The following CD53 variants were observed in gnomAD, a reference collection of about 807,000 sequenced individuals.
CD53 encodes leukocyte surface antigen CD53.
A neutral mutation model predicts 27.3 loss-of-function variants in CD53; 20 were observed. That is an observed-to-expected ratio of 0.73 (90% CI 0.52 to 1.07). The LOEUF (loss-of-function observed/expected upper bound fraction) is 1.07. Among genes scored for constraint, CD53 ranks in the 50% least tolerant of loss-of-function variants. CD53 has a pLI of 0.00. For synonymous variants in CD53, 106 were observed against 105.3 expected (o/e 1.01, Z -0.04); for missense variants, 216 against 264.0 (o/e 0.82, Z 1.26).
Position 110,882,047 on chromosome 1 carries a change from T to G in CD53, c.-18+8799T>G, listed in dbSNP as rs533558034. On this transcript the variant is annotated intron_variant, in intron 1 of 7. Transcript: ENST00000271324. ...TTATCTCCTGTGTGATTTGGAAATA[T>G]TTTGTCCCTTCTGTGCCTTGTCTTT... 8.5e-5 allele frequency among the ~76,000 whole-genome samples: 13 copies of G among 152,348 alleles called. No homozygotes were observed. In the South Asian group the frequency reaches 2.7e-3, roughly 32 times the overall value.
intron 1 of CD53, among the ~76,000 whole-genome samples, chr1:110,889,114 T>C (rs201091660): frequency 4.3e-5 from 1 of 23,450 alleles, no homozygotes; most frequent in Non-Finnish European, 2.7e-4. Context: ...GTTAATTTAA[T>C]TTTTTTAAAA....
chr1:110,876,028 A>G (rs1302509843), intron 1 of CD53, among the ~76,000 whole-genome samples: 4 of 152,210 alleles, frequency 2.6e-5, no homozygotes, highest in African/African-American at 9.7e-5. Context: ...AGAAAATATG[A>G]CACAAGCATA....
chr1:110,890,358 G>A (rs1216238837), intron 1 of CD53, among the ~76,000 whole-genome samples: 3 of 152,200 alleles, frequency 2.0e-5, no homozygotes, highest in Non-Finnish European at 4.4e-5. Context: ...CCTGAGGTCA[G>A]AAGTTTGAGG....
At chr1:110,881,432 A>T (rs1449577645) in intron 1 of CD53, among the ~76,000 whole-genome samples, 2 of 152,200 alleles carry the variant, frequency 1.3e-5, no homozygotes, top group Non-Finnish European at 2.9e-5. Context: ...GGGTAACAAC[A>T]GTTCATTCTT....
chr1:110,894,501 G>T, intron 4 of CD53, 100 bp downstream of exon 4: 1 of 931,672 alleles, frequency 1.1e-6, no homozygotes, highest in Non-Finnish European at 1.7e-6. Flanking sequence ...CTATAATAGA[G>T]ATAGAAATGA....
chr1:110,880,430 A>G (rs1414993074), intron 1 of CD53: 2 of 152,150 alleles, frequency 1.3e-5, no homozygotes, highest in Non-Finnish European at 2.9e-5. Context: ...TGTGAAGGAA[A>G]GAATCAGTAG....
chr1:110,874,148 A>T (rs1252195184), intron 1 of CD53, among the ~76,000 whole-genome samples: 1 of 152,210 alleles, frequency 6.6e-6, no homozygotes, highest in African/African-American at 2.4e-5. Context: ...GCCCTGGAGC[A>T]GAAAGGAGAA....
intron 1 of CD53, among the ~76,000 whole-genome samples, chr1:110,876,623 A>G (rs1378124013): frequency 1.3e-5 from 2 of 152,076 alleles, no homozygotes; most frequent in African/African-American, 4.8e-5. Context: ...ACCTTATATC[A>G]GGAGCAAATA....
At chr1:110,894,548 T>TG (rs1557820652) in intron 4 of CD53, 147 bp downstream of exon 4, 12 of 611,654 alleles carry the variant, frequency 2.0e-5, no homozygotes, top group Middle Eastern at 4.3e-4. Context: ...TAATTGTAAT[T>TG]GGGGGGAAAA....
chr1:110,885,635 G>A (rs1302211600), intron 1 of CD53, among the ~76,000 whole-genome samples: 1 of 152,102 alleles, frequency 6.6e-6, no homozygotes, highest in Admixed American at 6.6e-5. Context: ...GGCTGAGACA[G>A]GCAGATCACC....
intron 1 of CD53, among the ~76,000 whole-genome samples, chr1:110,877,217 T>C (rs1172435723): frequency 6.6e-6 from 1 of 152,230 alleles, no homozygotes; most frequent in African/African-American, 2.4e-5. Context: ...AGTTCTTTTT[T>C]AGAATGTTTC....
At chr1:110,887,124 C>T (rs951814251) in intron 1 of CD53, among the ~76,000 whole-genome samples, 42 of 151,660 alleles carry the variant, frequency 2.8e-4, no homozygotes, top group African/African-American at 9.4e-4. Flanking sequence ...AGTGCAGTGG[C>T]GCGATCTCGG....
chr1:110,882,262 T>G (rs960037582), intron 1 of CD53, among the ~76,000 whole-genome samples: 2 of 152,184 alleles, frequency 1.3e-5, no homozygotes, highest in South Asian at 4.1e-4. Context: ...CTAGTTACGA[T>G]TTCGTATGGA....
chr1:110,882,581 A>G (rs1037183933), intron 1 of CD53, among the ~76,000 whole-genome samples: 5 of 152,036 alleles, frequency 3.3e-5, no homozygotes, highest in African/African-American at 1.2e-4. Context: ...TGAATTTTAG[A>G]ATTAATTTCT....
chr1:110,894,508 A>G lies in CD53; in HGVS notation c.327+107A>G, dbSNP rs901077867. 5 of 832,726 alleles carry G rather than the reference A, an allele frequency of 6.0e-6. No individual in the cohort carries two copies. The African/African-American group carries it at 8.4e-5, about 14-fold the overall frequency. The allele number at this position is 832,726 out of a possible 1,614,324, so 51.6% of individuals were successfully genotyped here. A position where few individuals can be genotyped will look rare whatever the true frequency, so the allele number is the denominator to read the frequency against. On this transcript the variant is annotated intron_variant, in intron 4 of 7. Coordinates refer to ENST00000271324, the MANE Select transcript of CD53 (RefSeq NM_000560.4). The stretch of plus-strand genomic sequence containing the variant: ...AATAAGTTCTATAATAGAGATAGAA[A>G]TGAAGTGGAAGGATAGAGGAAACAG...
At chr1:110,888,571 G>A (rs1336961630) in intron 1 of CD53, among the ~76,000 whole-genome samples, 1 of 152,042 alleles carries the variant, frequency 6.6e-6, no homozygotes. Context: ...GGTAAATCTG[G>A]TCCCTGTTAA....
chr1:110,891,916 G>A (rs1263320556), intron 2 of CD53, among the ~76,000 whole-genome samples: 2 of 152,222 alleles, frequency 1.3e-5, no homozygotes, highest in Admixed American at 6.5e-5. Context: ...GTTGGTACTT[G>A]TGTATATGAG....
intron 1 of CD53, among the ~76,000 whole-genome samples, chr1:110,879,687 A>G (rs561392076): frequency 6.6e-6 from 1 of 152,146 alleles, no homozygotes; most frequent in Non-Finnish European, 1.5e-5. Context: ...ATTGGATCAG[A>G]TAAGGCTGAA....
chr1:110,894,831 C>T lies in CD53; in HGVS notation c.328-129C>T, dbSNP rs191455479. ...CCCATAGATAAACACCCTCCCCTCA[C>T]CCTTAGTTCTGAGGAGACCATTTGG... On this transcript the variant is annotated intron_variant, in intron 4 of 7. Coordinates refer to ENST00000271324, the MANE Select transcript of CD53 (RefSeq NM_000560.4). 20 of 704,918 alleles carry T rather than the reference C, an allele frequency of 2.8e-5. No individual in the cohort carries two copies. The Admixed American group carries it at 3.5e-4, about 13-fold the overall frequency. 43.7% of individuals were successfully genotyped at this position (704,918 alleles called of 1,614,324 possible). A position where few individuals can be genotyped will look rare whatever the true frequency, so the allele number is the denominator to read the frequency against.
Sources: gnomAD v4.1 joint callset for allele counts (sites outside exome capture counted in the v4.1 genomes callset) on GRCh38, gnomAD v4.1.1 for gene constraint, MANE v1.5 for transcripts, NCBI Gene and HGNC (gene_info 2026-07-23, HGNC 2026-07-21) for gene names.